Variants in ATG101 observed in about 807,000 individuals in gnomAD.
The protein encoded by ATG101 is autophagy related 101.
ATG101 carries 6 observed loss-of-function variants against 16.7 expected under a neutral mutation model. The observed-to-expected ratio is 0.36, with a 90% confidence interval of 0.20 to 0.71. ATG101 has a LOEUF of 0.71. Ranked by LOEUF, ATG101 falls within the 30% of genes least tolerant of loss-of-function variation. The pLI, the probability that ATG101 is intolerant of heterozygous loss-of-function variation, is 0.57. For synonymous variants in ATG101, 108 were observed against 118.1 expected (o/e 0.91, Z 0.56); for missense variants, 200 against 292.5 (o/e 0.68, Z 2.31).
rs756634275 is a variant in ATG101 at position 52,073,781 on chromosome 12, C to G, written c.131C>G (p.Thr44Ser). Residue 44 changes from threonine (T) to serine (S), a missense_variant, in exon 3 of 4, where the codon ACC (threonine) becomes AGC (serine). Physicochemically the swap from Thr to Ser is moderately conservative, Grantham distance 58. Transcript: ENST00000336854. ...AAGTTCCACTACAAGAAGGAGGGCACCTACTCCATTGGCACCGTGGGCACC... is the reference window on the plus strand; with the variant it reads ...AAGTTCCACTACAAGAAGGAGGGCAGCTACTCCATTGGCACCGTGGGCACC... The part of the protein sequence containing the change: ...TGKFHYKKEG[T>S]YSIGTVGTQD... 11 of 1,614,084 alleles carry G rather than the reference C, an allele frequency of 6.8e-6. No individual in the cohort carries two copies. The Admixed American group carries it at 1.2e-4, about 17-fold the overall frequency.
In ATG101 at chr12:52,070,019, G is replaced by C. The variant is rs1050159279; in HGVS notation, c.-430G>C. The stretch of plus-strand genomic sequence containing the variant: ...CTCCGACCCAGGTGGTCTGGAGCCT[G>C]CCGGGAGAGTGGTGGCATCTGAGAG... On this transcript the variant is annotated 5_prime_UTR_variant, in exon 1 of 4. Coordinates refer to ENST00000336854, the MANE Select transcript of ATG101 (RefSeq NM_021934.5). The C allele has an allele frequency of 3.3e-5, 5 of 152,448 alleles. No homozygotes were observed. The highest frequency in any genetic ancestry group is 7.3e-5 in the Non-Finnish European group (5 of 68,248). 9.4% of individuals were successfully genotyped at this position (152,448 alleles called of 1,614,324 possible). A position where few individuals can be genotyped will look rare whatever the true frequency, so the allele number is the denominator to read the frequency against.
chr12:52,065,991 C>T (rs1939546897), upstream of ATG101, among the ~76,000 whole-genome samples: 1 of 152,208 alleles, frequency 6.6e-6, no homozygotes, highest in African/African-American at 2.4e-5. Context: ...AATTCTCCTG[C>T]CTCAGCCTCC....
upstream of ATG101, among the ~76,000 whole-genome samples, chr12:52,068,485 C>G (rs1484037286): frequency 1.3e-5 from 2 of 151,952 alleles, no homozygotes; most frequent in African/African-American, 4.8e-5. Flanking sequence ...TCTGAAGTAG[C>G]TGGGACTACA....
At chr12:52,075,141 C>T (rs754565686) in intron 3 of ATG101, among the ~76,000 whole-genome samples, 1 of 152,202 alleles carries the variant, frequency 6.6e-6, no homozygotes, top group Admixed American at 6.5e-5. Flanking sequence ...CTTCACTGTG[C>T]TGGGTACTGT....
intron 3 of ATG101, among the ~76,000 whole-genome samples, chr12:52,076,181 T>G (rs1276101107): frequency 6.6e-6 from 1 of 152,024 alleles, no homozygotes; most frequent in African/African-American, 2.4e-5. Context: ...AAAAGAATTA[T>G]GTTTAATTGG....
At chr12:52,070,921 C>T (rs1485687182) in intron 2 of ATG101, 1 of 152,208 alleles carries the variant, frequency 6.6e-6, no homozygotes, top group Non-Finnish European at 1.5e-5. Flanking sequence ...CCTTCTCCTT[C>T]TTGATCCAAG....
chr12:52,068,833 C>CA (rs1043755243), upstream of ATG101, among the ~76,000 whole-genome samples: 7 of 150,634 alleles, frequency 4.6e-5, no homozygotes, highest in Non-Finnish European at 7.4e-5. Flanking sequence ...AAAAAAAATA[C>CA]AAAAAAAATT....
intron 3 of ATG101, among the ~76,000 whole-genome samples, chr12:52,076,023 C>T (rs1048088908): frequency 3.3e-5 from 5 of 152,042 alleles, no homozygotes; most frequent in African/African-American, 1.2e-4. Context: ...TAAAACTTAG[C>T]CAAGTGTGCC....
chr12:52,072,210 A>G (rs2120614768), intron 2 of ATG101, among the ~76,000 whole-genome samples: 1 of 152,346 alleles, frequency 6.6e-6, no homozygotes, highest in South Asian at 2.1e-4. Context: ...TATGTGGCAG[A>G]TAGGTGTTAA....
In ATG101 at chr12:52,070,408, G is replaced by C. The variant is rs1939624014; in HGVS notation, c.-152G>C. On this transcript the variant is annotated 5_prime_UTR_variant, in exon 2 of 4. Transcript: ENST00000336854. ...AGGTTGAAGCGTACCTGCGGAGGTCGCACCAGGGCGTGAGGAGGAGGAGGA... is the reference window on the plus strand; with the variant it reads ...AGGTTGAAGCGTACCTGCGGAGGTCCCACCAGGGCGTGAGGAGGAGGAGGA... The C allele has an allele frequency of 6.5e-6, 1 of 153,094 alleles. No homozygotes were observed. The highest frequency in any genetic ancestry group is 1.5e-5 in the Non-Finnish European group (1 of 68,382). 9.5% of individuals were successfully genotyped at this position (153,094 alleles called of 1,614,324 possible).
Position 52,076,865 on chromosome 12 carries a change from C to T in ATG101, c.332C>T (p.Pro111Leu). Residue 111 changes from proline to leucine, a missense_variant, in exon 4 of 4, where the codon CCA becomes CTA. Coordinates refer to ENST00000336854, the MANE Select transcript of ATG101 (RefSeq NM_021934.5). ...TACCAGAAGAAGAAGTCTCGCTGGC[C>T]ATTCTCAGACGAGTGCATCCCATGG... is the stretch of plus-strand genomic sequence containing the variant. ...EFYQKKKSRW[P>L]FSDECIPWEV... The T allele has an allele frequency of 6.2e-7, 1 of 1,614,180 alleles. No individual in the cohort carries two copies. Among genetic ancestry groups the T allele is most frequent in the Non-Finnish European group, 8.5e-7 (1 of 1,180,030 alleles).
At chr12:52,066,540 A>G (rs1939551172), upstream of ATG101, among the ~76,000 whole-genome samples, 1 of 152,200 alleles carries the variant, frequency 6.6e-6, no homozygotes, top group Non-Finnish European at 1.5e-5. Flanking sequence ...GTCCCAGTCA[A>G]GCTGACACGT....
At position 52,070,129 on chromosome 12, in the gene ATG101, G is replaced by A. The variant is rs1451485091; in HGVS notation, c.-320G>A. Reference sequence around the variant, plus strand: ...CTGTGCCGGCGTGGGCATCCCCCGGGGCAGTGGAACGCGGGCGCTCCTCCA... The same window carrying A: ...CTGTGCCGGCGTGGGCATCCCCCGGAGCAGTGGAACGCGGGCGCTCCTCCA... On this transcript the variant is annotated 5_prime_UTR_variant, in exon 1 of 4. Transcript: ENST00000336854. 6.6e-6 allele frequency: 1 copy of A among 152,462 alleles called. No individual in the cohort carries two copies. The highest frequency in any genetic ancestry group is 2.4e-5 in the African/African-American group (1 of 41,478). The allele number at this position is 152,462 out of a possible 1,614,324, so 9.4% of individuals were successfully genotyped here.
At chr12:52,068,378 A>G (rs1163552545), upstream of ATG101, among the ~76,000 whole-genome samples, 1 of 150,500 alleles carries the variant, frequency 6.6e-6, no homozygotes, top group East Asian at 1.9e-4. Flanking sequence ...TTTTTGAGAC[A>G]GGATCTTGTT....
rs1225353275 is a variant in ATG101 at position 52,077,290 on chromosome 12, T to C, written c.*100T>C. Reference sequence around the variant, plus strand: ...GGGCTCTGGAACCTGCTCTGGGTCATTGGTGAGACTTGGAAGGGGCAGCCC... The same window carrying C: ...GGGCTCTGGAACCTGCTCTGGGTCACTGGTGAGACTTGGAAGGGGCAGCCC... On this transcript the variant is annotated 3_prime_UTR_variant, in exon 4 of 4. Transcript: ENST00000336854. 7.4e-7 allele frequency: 1 copy of C among 1,343,144 alleles called. No individual in the cohort carries two copies. The highest frequency in any genetic ancestry group is 1.0e-6 in the Non-Finnish European group (1 of 988,222). 83.2% of individuals were successfully genotyped at this position (1,343,144 alleles called of 1,614,324 possible).
At chr12:52,066,871 C>T (rs577689332), upstream of ATG101, among the ~76,000 whole-genome samples, 1 of 152,198 alleles carries the variant, frequency 6.6e-6, no homozygotes, top group South Asian at 2.1e-4. Flanking sequence ...TGGGCTCTGG[C>T]ACCTCCTCCA....
chr12:52,067,057 A>G (rs1007839143), upstream of ATG101, among the ~76,000 whole-genome samples: 1 of 152,196 alleles, frequency 6.6e-6, no homozygotes, highest in African/African-American at 2.4e-5. Flanking sequence ...ACCTGGGATA[A>G]GAGGCAAGGG....
chr12:52,077,086 G>A lies in ATG101; in HGVS notation c.553G>A (p.Val185Met), dbSNP rs993464021. The change falls in exon 4 of 4, where the codon GTG (valine) becomes ATG (methionine). Residue 185 changes from valine (V) to methionine (M), a missense_variant. Coordinates refer to ENST00000336854, the MANE Select transcript of ATG101 (RefSeq NM_021934.5). The stretch of plus-strand genomic sequence containing the variant: ...CGTGTTTGACACAGGCTTGCGGGAC[G>A]TGCAGCCCTACCTGTACAAGATCTC... ...DNVFDTGLRD[V>M]QPYLYKISFQ... 7 of 1,614,184 alleles carry A rather than the reference G, an allele frequency of 4.3e-6. No individual in the cohort carries two copies. The highest frequency in any genetic ancestry group is 1.1e-5 in the South Asian group (1 of 91,078).
intron 2 of ATG101, 97 bp from the exon 3 acceptor site, chr12:52,073,478 G>A (rs920726146): frequency 1.3e-6 from 1 of 768,528 alleles, no homozygotes; most frequent in Non-Finnish European, 2.1e-6. Flanking sequence ...GCAGAGAAGG[G>A]CCAGTGGAGG....
Sources: gnomAD v4.1 joint callset for allele counts (sites outside exome capture counted in the v4.1 genomes callset) on GRCh38, gnomAD v4.1.1 for gene constraint, MANE v1.5 for transcripts, NCBI Gene and HGNC (gene_info 2026-07-23, HGNC 2026-07-21) for gene names.